Variants in NCALD observed in about 807,000 individuals in gnomAD.
NCALD encodes neurocalcin-delta.
A neutral mutation model predicts 18.6 loss-of-function variants in NCALD; 10 were observed. That is an observed-to-expected ratio of 0.54 (90% CI 0.33 to 0.91). NCALD has a LOEUF of 0.91. NCALD is among the 40% of genes least tolerant of loss of function. The probability of loss-of-function intolerance (pLI) is 0.03; values close to 1 mark genes in which losing one functional copy is unlikely to be tolerated. For missense variants in NCALD, 184 were observed against 247.6 expected (o/e 0.74, Z 1.72); for synonymous variants, 88 against 87.4 (o/e 1.01, Z -0.04).
intron 3 of NCALD, among the ~76,000 whole-genome samples, chr8:101,897,273 A>C (rs1253967139): frequency 6.7e-6 from 1 of 149,484 alleles, no homozygotes; most frequent in African/African-American, 2.5e-5. Context: ...AGAACAAAAA[A>C]CCAAACACCG....
At chr8:101,954,879 G>A (rs1819563140) in intron 2 of NCALD, among the ~76,000 whole-genome samples, 3 of 152,178 alleles carry the variant, frequency 2.0e-5, no homozygotes, top group East Asian at 3.8e-4. Flanking sequence ...GAGCTGGGAC[G>A]AGGAGTCTTG....
chr8:101,694,966 A>C (rs895455681), intron 2 of NCALD, among the ~76,000 whole-genome samples: 1 of 152,042 alleles, frequency 6.6e-6, no homozygotes, highest in Admixed American at 6.6e-5. Flanking sequence ...AGGTCTAGCA[A>C]CCTCTCCCCA....
chr8:101,829,955 C>T (rs564258388), intron 4 of NCALD, among the ~76,000 whole-genome samples: 27 of 136,840 alleles, frequency 2.0e-4, no homozygotes, highest in Non-Finnish European at 3.7e-4. Flanking sequence ...TCAGGAAGAA[C>T]ATTTACCCAG....
chr8:101,830,439 T>C (rs1814130360), intron 4 of NCALD, among the ~76,000 whole-genome samples: 1 of 151,898 alleles, frequency 6.6e-6, no homozygotes, highest in African/African-American at 2.4e-5. Flanking sequence ...TGCATGCCTG[T>C]CATCCCAGCT....
chr8:102,004,059 T>C (rs973589221), intron 2 of NCALD, among the ~76,000 whole-genome samples: 11 of 150,850 alleles, frequency 7.3e-5, no homozygotes, highest in Non-Finnish European at 1.3e-4. Context: ...AAATAAAGGG[T>C]ATTCAATTAG....
At chr8:102,117,905 C>T (rs1825838867) in intron 1 of NCALD, among the ~76,000 whole-genome samples, 8 of 152,208 alleles carry the variant, frequency 5.3e-5, no homozygotes, top group Admixed American at 4.6e-4. Context: ...GCTGCATATA[C>T]AGAAGAAATG....
chr8:101,840,678 T>C (rs571577400), intron 4 of NCALD, among the ~76,000 whole-genome samples: 20 of 152,360 alleles, frequency 1.3e-4, no homozygotes, highest in Admixed American at 1.3e-3. Context: ...GGTCATGGCA[T>C]TAATTTTTTA....
chr8:101,947,824 T>C (rs1361700220), intron 2 of NCALD, among the ~76,000 whole-genome samples: 1 of 152,128 alleles, frequency 6.6e-6, no homozygotes, highest in Admixed American at 6.5e-5. Context: ...GAGCTAGACA[T>C]AAAAGTGTAG....
At chr8:101,969,208 A>C (rs1820145737) in intron 2 of NCALD, among the ~76,000 whole-genome samples, 1 of 152,204 alleles carries the variant, frequency 6.6e-6, no homozygotes, top group African/African-American at 2.4e-5. Flanking sequence ...AATTCAAAAA[A>C]ATACGGTACC....
At chr8:101,767,379 A>C (rs1406247799) in intron 1 of NCALD, among the ~76,000 whole-genome samples, 1 of 152,256 alleles carries the variant, frequency 6.6e-6, no homozygotes, top group Non-Finnish European at 1.5e-5. Flanking sequence ...ACACATACAC[A>C]TAAAACAACA....
chr8:101,809,926 C>A (rs1246149661), intron 4 of NCALD, among the ~76,000 whole-genome samples: 1 of 152,132 alleles, frequency 6.6e-6, no homozygotes, highest in Non-Finnish European at 1.5e-5. Context: ...ATTTATAAAT[C>A]TGACTTTTAT....
At chr8:101,882,450 G>A (rs1156521962) in intron 4 of NCALD, among the ~76,000 whole-genome samples, 3 of 152,106 alleles carry the variant, frequency 2.0e-5, no homozygotes. Context: ...ATAGGACCTC[G>A]ACAGACACCG....
chr8:101,853,208 G>A (rs1264954), intron 4 of NCALD, among the ~76,000 whole-genome samples: 56,267 of 151,772 alleles, frequency 0.37, 13,120 homozygotes, highest in African/African-American at 0.66. Context: ...ATGCTATCAG[G>A]CATTTAGTTA....
chr8:102,016,694 A>C (rs1361688159), intron 2 of NCALD, among the ~76,000 whole-genome samples: 1 of 152,216 alleles, frequency 6.6e-6, no homozygotes, highest in East Asian at 1.9e-4. Flanking sequence ...TCAACCCTTC[A>C]TATCAACAAT....
chr8:102,096,082 G>C (rs952309082), intron 1 of NCALD, among the ~76,000 whole-genome samples: 1 of 152,176 alleles, frequency 6.6e-6, no homozygotes, highest in Admixed American at 6.5e-5. Flanking sequence ...AGGCACTAAA[G>C]GGCAGAAAAC....
chr8:101,716,989 A>G (rs1816117149), intron 2 of NCALD, among the ~76,000 whole-genome samples: 6 of 152,184 alleles, frequency 3.9e-5, no homozygotes, highest in Admixed American at 3.9e-4. Flanking sequence ...TCCAGAAGGA[A>G]CACACCCCTG....
chr8:102,082,089 T>C (rs952534322), intron 1 of NCALD, among the ~76,000 whole-genome samples: 1 of 152,122 alleles, frequency 6.6e-6, no homozygotes, highest in Non-Finnish European at 1.5e-5. Context: ...ACAACCAAGT[T>C]AGTGGCTTGT....
intron 1 of NCALD, 147 bp from the exon 2 acceptor site, chr8:101,719,795 A>G: frequency 2.8e-6 from 2 of 702,606 alleles, no homozygotes; most frequent in Non-Finnish European, 4.4e-6. Flanking sequence ...GTTTTGCAAC[A>G]CACTGGTCAG....
At chr8:101,929,936 T>A (rs888642642) in intron 2 of NCALD, among the ~76,000 whole-genome samples, 2 of 151,914 alleles carry the variant, frequency 1.3e-5, no homozygotes, top group Non-Finnish European at 2.9e-5. Flanking sequence ...GTGCCTGTAA[T>A]CCCAACTGCT....
Sources: allele counts gnomAD v4.1 joint callset (sites outside exome capture counted in the v4.1 genomes callset), GRCh38; gene constraint gnomAD v4.1.1; transcripts MANE v1.5; gene names NCBI Gene and HGNC (gene_info 2026-07-23, HGNC 2026-07-21).